The following LINGO2 variants were observed in gnomAD, a reference collection of about 807,000 sequenced individuals.
LINGO2 encodes leucine rich repeat and Ig domain containing 2.
LINGO2 carries 14 observed loss-of-function variants against 30.6 expected under a neutral mutation model. The ratio of observed to expected loss-of-function variants is 0.46; its 90% CI spans 0.30 to 0.72. The LOEUF (loss-of-function observed/expected upper bound fraction) is 0.72. LINGO2 is among the 30% of genes least tolerant of loss of function. LINGO2 has a pLI of 0.07. For missense variants in LINGO2, 729 were observed against 751.7 expected (o/e 0.97, Z 0.35); for synonymous variants, 317 against 288.5 (o/e 1.10, Z -1.00).
chr9:28,966,508 C>T, the LINGO2 span, among the ~76,000 whole-genome samples: 3 of 151,974 alleles, frequency 2.0e-5, no homozygotes, highest in Admixed American at 6.6e-5. Context: ...AGCCATCATG[C>T]GTTAGTCATA....
the LINGO2 span, among the ~76,000 whole-genome samples, chr9:29,085,990 T>G: frequency 6.6e-6 from 1 of 152,272 alleles, no homozygotes; most frequent in South Asian, 2.1e-4. Flanking sequence ...CAGAGGCTTG[T>G]ACTTGCTTGT....
At chr9:28,194,214 G>T (rs1414881120) in intron 4 of LINGO2, among the ~76,000 whole-genome samples, 1 of 151,964 alleles carries the variant, frequency 6.6e-6, no homozygotes, top group Non-Finnish European at 1.5e-5. Flanking sequence ...GGTATCAGAA[G>T]AAATACATAA....
the LINGO2 span, among the ~76,000 whole-genome samples, chr9:28,873,238 C>T: frequency 1.8e-4 from 27 of 151,688 alleles, no homozygotes; most frequent in Middle Eastern, 6.8e-3. Flanking sequence ...GGAGTGGTGG[C>T]GGGCACCTGT....
At chr9:28,928,635 G>A in the LINGO2 span, among the ~76,000 whole-genome samples, 2 of 152,074 alleles carry the variant, frequency 1.3e-5, no homozygotes, top group Non-Finnish European at 2.9e-5. Context: ...GTTTTGCTTT[G>A]GCCAGGACAT....
At chr9:28,287,709 C>T (rs1267551365) in intron 4 of LINGO2, among the ~76,000 whole-genome samples, 3 of 152,030 alleles carry the variant, frequency 2.0e-5, no homozygotes, top group African/African-American at 2.4e-5. Context: ...GTAGCAGCTG[C>T]CCCCATGTTA....
At chr9:28,835,876 C>G in the LINGO2 span, among the ~76,000 whole-genome samples, 2 of 152,172 alleles carry the variant, frequency 1.3e-5, no homozygotes, top group Admixed American at 6.5e-5. Flanking sequence ...TATTACTGCA[C>G]TTATCACACT....
At chr9:28,051,835 TA>T (rs1224875725) in intron 4 of LINGO2, among the ~76,000 whole-genome samples, 1 of 151,714 alleles carries the variant, frequency 6.6e-6, no homozygotes, top group African/African-American at 2.4e-5. Flanking sequence ...AAATCCAAAT[TA>T]AAAAAACAGG....
intron 4 of LINGO2, among the ~76,000 whole-genome samples, chr9:28,128,772 T>C (rs1827305663): frequency 6.6e-6 from 1 of 152,098 alleles, no homozygotes; most frequent in South Asian, 2.1e-4. Context: ...TGTTCCCCAT[T>C]GTGATGGTTA....
intron 1 of LINGO2, among the ~76,000 whole-genome samples, chr9:28,525,988 A>G (rs756828404): frequency 1.7e-4 from 24 of 141,792 alleles, no homozygotes; most frequent in Non-Finnish European, 2.4e-4. Context: ...CCCGGGAGGC[A>G]GAGCTTCCAG....
chr9:28,299,446 T>C (rs1244331539), intron 3 of LINGO2, among the ~76,000 whole-genome samples: 1 of 141,368 alleles, frequency 7.1e-6, no homozygotes, highest in Non-Finnish European at 1.6e-5. Flanking sequence ...TTATTGCTTC[T>C]AATTTTTTTT....
chr9:28,502,570 A>T (rs1819933903), intron 1 of LINGO2, among the ~76,000 whole-genome samples: 1 of 152,114 alleles, frequency 6.6e-6, no homozygotes, highest in African/African-American at 2.4e-5. Flanking sequence ...TTCATAAGGC[A>T]AATACAACAA....
rs556847630 is a variant in LINGO2 at position 28,005,494 on chromosome 9, C to T, written c.-36+6861G>A. On this transcript the variant is annotated intron_variant, in intron 5 of 5. Transcript: ENST00000379992. Reference sequence around the variant, plus strand: ...CCTCTACTTTTCTTCCCCACAGTTTCTATCTAATTCTCCACATATCCTAAG... The same window carrying T: ...CCTCTACTTTTCTTCCCCACAGTTTTTATCTAATTCTCCACATATCCTAAG... Among the ~76,000 whole-genome samples the T allele has an allele frequency of 7.2e-5, 11 of 152,224 alleles. No homozygotes were observed. The South Asian group carries it at 2.3e-3, about 32-fold the overall frequency.
chr9:28,769,096 A>G, the LINGO2 span, among the ~76,000 whole-genome samples: 1 of 151,978 alleles, frequency 6.6e-6, no homozygotes, highest in African/African-American at 2.4e-5. Flanking sequence ...ATATTTTTGT[A>G]TATGCTGTCT....
At chr9:28,233,317 A>G (rs1821440888) in intron 4 of LINGO2, among the ~76,000 whole-genome samples, 1 of 151,926 alleles carries the variant, frequency 6.6e-6, no homozygotes, top group Non-Finnish European at 1.5e-5. Flanking sequence ...TTTACTTCCT[A>G]TTTGAAAAAT....
chr9:28,739,944 ATATATAT>A, the LINGO2 span, among the ~76,000 whole-genome samples: 6 of 128,724 alleles, frequency 4.7e-5, no homozygotes, highest in East Asian at 1.4e-3. Context: ...GTGTGTATAT[ATATATAT>A]TTTTTTTTTC....
the LINGO2 span, among the ~76,000 whole-genome samples, chr9:28,931,134 G>A: frequency 4.3e-4 from 65 of 152,214 alleles, 2 homozygotes; most frequent in South Asian, 0.012. Context: ...AATGTCCCTA[G>A]CCATATACTC....
At chr9:28,630,327 T>C (rs1249751776) in intron 1 of LINGO2, among the ~76,000 whole-genome samples, 1 of 152,158 alleles carries the variant, frequency 6.6e-6, no homozygotes, top group Admixed American at 6.6e-5. Context: ...GTTGTAACTA[T>C]ATTCTAATTG....
At chr9:29,000,879 T>C in the LINGO2 span, among the ~76,000 whole-genome samples, 1,126 of 152,098 alleles carry the variant, frequency 7.4e-3, 18 homozygotes, top group African/African-American at 0.026. Context: ...TTCTTGGGCA[T>C]GTGTGGACCA....
intron 1 of LINGO2, among the ~76,000 whole-genome samples, chr9:28,544,030 C>T (rs1587831644): frequency 6.6e-6 from 1 of 152,020 alleles, no homozygotes; most frequent in South Asian, 2.1e-4. Flanking sequence ...CATGGCAAAA[C>T]CCTGTCTACT....
Sources: gnomAD v4.1 joint callset for allele counts (sites outside exome capture counted in the v4.1 genomes callset) on GRCh38, gnomAD v4.1.1 for gene constraint, MANE v1.5 for transcripts, NCBI Gene and HGNC (gene_info 2026-07-23, HGNC 2026-07-21) for gene names.